Variants in ANKS1B observed in about 807,000 individuals in gnomAD.
The protein encoded by ANKS1B is ankyrin repeat and sterile alpha motif domain-containing protein 1B.
A neutral mutation model predicts 148.3 loss-of-function variants in ANKS1B; 36 were observed. That is an observed-to-expected ratio of 0.24 (90% CI 0.19 to 0.32). ANKS1B has a LOEUF of 0.32. ANKS1B is among the 10% of genes least tolerant of loss of function. ANKS1B has a pLI of 1.00. For missense variants in ANKS1B, 1,157 were observed against 1,542.6 expected (o/e 0.75, Z 4.19); for synonymous variants, 542 against 560.8 (o/e 0.97, Z 0.47).
At chr12:99,894,387 T>TAGTCCCAG (rs1180813783) in intron 1 of ANKS1B, among the ~76,000 whole-genome samples, 1 of 150,604 alleles carries the variant, frequency 6.6e-6, no homozygotes, top group African/African-American at 2.5e-5. Context: ...TGCACGCCTG[T>TAGTCCCAG]AGTCCCAGCT....
chr12:99,812,559 AG>A (rs2068553133), intron 2 of ANKS1B, among the ~76,000 whole-genome samples: 2 of 32,632 alleles, frequency 6.1e-5, no homozygotes, highest in Admixed American at 2.9e-4. Flanking sequence ...ACACACACAC[AG>A]AGAGAGAGAG....
chr12:99,849,410 GC>G (rs2087306603), intron 1 of ANKS1B, among the ~76,000 whole-genome samples: 1 of 151,992 alleles, frequency 6.6e-6, no homozygotes, highest in South Asian at 2.1e-4. Context: ...ACCAAATGTT[GC>G]TGGGGATATG....
chr12:99,865,483 G>T (rs970853880), intron 1 of ANKS1B, among the ~76,000 whole-genome samples: 3 of 152,134 alleles, frequency 2.0e-5, no homozygotes, highest in Non-Finnish European at 4.4e-5. Flanking sequence ...AGAAGTAGTA[G>T]GTACCGAGGC....
At chr12:99,086,573 C>T (rs2051901225) in intron 15 of ANKS1B, among the ~76,000 whole-genome samples, 1 of 152,126 alleles carries the variant, frequency 6.6e-6, no homozygotes, top group Non-Finnish European at 1.5e-5. Context: ...CCTCAGTTTC[C>T]CTACCTATAA....
rs1037533890 is a variant in ANKS1B at position 98,971,663 on chromosome 12, C to A, written c.2778+81494G>T. ...TTCTATACTTTGTAGACAGAGGTGGCAGATCATCTGCTTTTAAATATAGAG... is the reference window on the plus strand; with the variant it reads ...TTCTATACTTTGTAGACAGAGGTGGAAGATCATCTGCTTTTAAATATAGAG... On this transcript the variant is annotated intron_variant, in intron 17 of 26. Transcript: ENST00000683438. Among the ~76,000 whole-genome samples the A allele has an allele frequency of 3.3e-5, 5 of 152,168 alleles. 1 individual carries two copies. The highest frequency in any genetic ancestry group is 1.3e-4 in the Admixed American group (2 of 15,264).
chr12:98,812,893 A>C (rs2099109192), intron 19 of ANKS1B, among the ~76,000 whole-genome samples: 1 of 152,174 alleles, frequency 6.6e-6, no homozygotes, highest in African/African-American at 2.4e-5. Flanking sequence ...CAGATACCGC[A>C]GTAGTTTTGT....
intron 12 of ANKS1B, among the ~76,000 whole-genome samples, chr12:99,338,820 A>AAGAT (rs572699285): frequency 6.6e-6 from 1 of 152,240 alleles, no homozygotes; most frequent in South Asian, 2.1e-4. Context: ...AAAGACAGGG[A>AAGAT]AGATAGTGCC....
At chr12:99,183,110 G>A (rs894536722) in intron 14 of ANKS1B, among the ~76,000 whole-genome samples, 1 of 152,080 alleles carries the variant, frequency 6.6e-6, no homozygotes, top group Non-Finnish European at 1.5e-5. Context: ...CACTCTATGG[G>A]TTATTAATTA....
chr12:99,511,829 A>T (rs2096769127), intron 9 of ANKS1B, among the ~76,000 whole-genome samples: 1 of 152,096 alleles, frequency 6.6e-6, no homozygotes, highest in Admixed American at 6.6e-5. Context: ...TCTCTATTTT[A>T]AAAATGGTGC....
intron 17 of ANKS1B, among the ~76,000 whole-genome samples, chr12:98,937,423 C>A (rs2099819834): frequency 6.6e-6 from 1 of 151,986 alleles, no homozygotes; most frequent in Non-Finnish European, 1.5e-5. Context: ...GCTTCATTTC[C>A]TCCCCCATTG....
At chr12:99,765,956 C>T (rs2062603772) in intron 8 of ANKS1B, among the ~76,000 whole-genome samples, 1 of 152,080 alleles carries the variant, frequency 6.6e-6, no homozygotes, top group East Asian at 1.9e-4. Context: ...GTTGTACAAC[C>T]AAATCTGTAG....
Position 98,744,583 on chromosome 12 carries a change from C to A in ANKS1B, c.*1156G>T, listed in dbSNP as rs1025859131. 8.6e-6 allele frequency: 6 copies of A among 695,440 alleles called. No homozygotes were observed. The highest frequency in any genetic ancestry group is 1.1e-5 in the Non-Finnish European group (6 of 566,038). The allele number at this position is 695,440 out of a possible 1,614,324, so 43.1% of individuals were successfully genotyped here. A position where few individuals can be genotyped will look rare whatever the true frequency, so the allele number is the denominator to read the frequency against. ...ACAGAGACATTAAAAAATTAAAATA[C>A]CTTAAAGAAATGTAAGTAAATTTTA... On this transcript the variant is annotated 3_prime_UTR_variant, in exon 27 of 27. Transcript: ENST00000683438.
chr12:99,765,820 C>A (rs969327978), intron 8 of ANKS1B, among the ~76,000 whole-genome samples: 1 of 152,028 alleles, frequency 6.6e-6, no homozygotes, highest in Admixed American at 6.6e-5. Context: ...TAAAAGAGAA[C>A]AAAATAGCTC....
chr12:98,837,097 T>A (rs2099369719), intron 17 of ANKS1B, among the ~76,000 whole-genome samples: 1 of 151,828 alleles, frequency 6.6e-6, no homozygotes, highest in Non-Finnish European at 1.5e-5. Context: ...TTTGGGAGGC[T>A]GAGATGGGTG....
intron 12 of ANKS1B, among the ~76,000 whole-genome samples, chr12:99,345,389 G>A (rs1324336057): frequency 1.3e-5 from 2 of 152,040 alleles, no homozygotes. Context: ...TTAGGAAGTG[G>A]ATTCTAATGC....
intron 1 of ANKS1B, among the ~76,000 whole-genome samples, chr12:99,893,547 T>TTAAG (rs2153749899): frequency 6.6e-6 from 1 of 152,212 alleles, no homozygotes; most frequent in East Asian, 1.9e-4. Context: ...GGAGAATAGT[T>TTAAG]TATACTAAAT....
intron 8 of ANKS1B, among the ~76,000 whole-genome samples, chr12:99,742,399 T>TA (rs1244287893): frequency 4.6e-5 from 7 of 152,244 alleles, no homozygotes; most frequent in African/African-American, 1.2e-4. Flanking sequence ...TATAATTTTT[T>TA]AAAAAATCTA....
intron 19 of ANKS1B, among the ~76,000 whole-genome samples, chr12:98,809,124 G>T (rs1249697099): frequency 3.3e-5 from 5 of 152,180 alleles, no homozygotes; most frequent in Non-Finnish European, 7.3e-5. Context: ...GAGGCTTGCT[G>T]GGGATGGTTA....
At chr12:98,973,760 TAA>T (rs2099886084) in intron 17 of ANKS1B, among the ~76,000 whole-genome samples, 1 of 152,198 alleles carries the variant, frequency 6.6e-6, no homozygotes, top group Non-Finnish European at 1.5e-5. Flanking sequence ...TATTTTAATA[TAA>T]GTTATTGTTG....
Sources: allele counts gnomAD v4.1 joint callset (sites outside exome capture counted in the v4.1 genomes callset), GRCh38; gene constraint gnomAD v4.1.1; transcripts MANE v1.5; gene names NCBI Gene and HGNC (gene_info 2026-07-23, HGNC 2026-07-21).